AGBL1: variants seen among roughly 807,000 people sequenced by gnomAD.
AGBL1 encodes the protein cytosolic carboxypeptidase 4.
Under a neutral mutation model 118.9 loss-of-function variants are expected in AGBL1, and 130 were observed. The observed-to-expected ratio is 1.09, with a 90% CI of 0.95 to 1.26. AGBL1 has a LOEUF of 1.26. AGBL1 is among the 50% of genes most tolerant of loss of function. The probability of loss-of-function intolerance (pLI) is 0.00; values close to 1 mark genes in which losing one functional copy is unlikely to be tolerated. For missense variants in AGBL1, 1,584 were observed against 1,298.1 expected (o/e 1.22, Z -3.38); for synonymous variants, 555 against 478.9 (o/e 1.16, Z -2.08).
In AGBL1 at chr15:86,126,974, A is replaced by G. The variant is rs551281518; in HGVS notation, c.52-15030A>G. ...GTGCTTGTGTGGACCAGCTGGTCCA[A>G]TGAGCTCATGATATGGCTTAAATAC... is the stretch of plus-strand genomic sequence containing the variant. On this transcript the variant is annotated intron_variant, in intron 1 of 22. Coordinates refer to ENST00000614907, the MANE Select transcript of AGBL1 (RefSeq NM_001386094.1). Among the ~76,000 whole-genome samples, 268 of 152,290 alleles carry G rather than the reference A, an allele frequency of 1.8e-3. 1 individual carries two copies. Among genetic ancestry groups the G allele is most frequent in the African/African-American group, 6.2e-3 (257 of 41,568 alleles).
chr15:86,525,524 A>G (rs1022550451), intron 19 of AGBL1, among the ~76,000 whole-genome samples: 1 of 152,224 alleles, frequency 6.6e-6, no homozygotes, highest in African/African-American at 2.4e-5. Context: ...TGGCACTGGT[A>G]TAAAAGTAGG....
At chr15:86,393,223 A>G (rs1567233479) in intron 17 of AGBL1, among the ~76,000 whole-genome samples, 1 of 152,186 alleles carries the variant, frequency 6.6e-6, no homozygotes, top group African/African-American at 2.4e-5. Flanking sequence ...TTGACTCTCC[A>G]ATGGAAAGAG....
chr15:86,808,050 A>G (rs2078741957), intron 22 of AGBL1, among the ~76,000 whole-genome samples: 1 of 152,154 alleles, frequency 6.6e-6, no homozygotes, highest in Non-Finnish European at 1.5e-5. Flanking sequence ...TTAGAGGAGG[A>G]TTAAATTAAA....
At chr15:86,961,676 T>C (rs574053885) in intron 23 of AGBL1, among the ~76,000 whole-genome samples, 1 of 152,250 alleles carries the variant, frequency 6.6e-6, no homozygotes, top group East Asian at 1.9e-4. Flanking sequence ...CTCGATCCTC[T>C]GTATCTCCCA....
intron 18 of AGBL1, among the ~76,000 whole-genome samples, chr15:86,476,975 A>G (rs1416170395): frequency 6.6e-6 from 1 of 152,250 alleles, no homozygotes. Context: ...CTGCTCCTGA[A>G]TGACTACTGG....
chr15:86,991,440 ATATTTATT>A (rs543981363), intron 24 of AGBL1, among the ~76,000 whole-genome samples: 321 of 151,572 alleles, frequency 2.1e-3, no homozygotes, highest in Non-Finnish European at 2.9e-3. Flanking sequence ...TTTCAGATTT[ATATTTATT>A]TATTTATTTA....
chr15:86,667,384 G>A (rs1051137053), intron 21 of AGBL1, among the ~76,000 whole-genome samples: 2 of 151,888 alleles, frequency 1.3e-5, no homozygotes, highest in East Asian at 1.9e-4. Flanking sequence ...ACTTTTTCTT[G>A]TTTATGATGT....
At chr15:86,673,750 T>C (rs1342930843) in intron 21 of AGBL1, among the ~76,000 whole-genome samples, 1 of 152,178 alleles carries the variant, frequency 6.6e-6, no homozygotes, top group East Asian at 1.9e-4. Context: ...CATGCATATA[T>C]GAGTACAGCT....
intron 6 of AGBL1, among the ~76,000 whole-genome samples, chr15:86,226,929 G>A (rs1048043274): frequency 6.6e-6 from 1 of 152,204 alleles, no homozygotes; most frequent in Non-Finnish European, 1.5e-5. Context: ...GCTTTTGAGG[G>A]AGAGAGTCAT....
intron 22 of AGBL1, among the ~76,000 whole-genome samples, chr15:86,816,545 G>A (rs1278577009): frequency 1.3e-5 from 2 of 152,200 alleles, no homozygotes; most frequent in Non-Finnish European, 2.9e-5. Context: ...GTTAAGAGAA[G>A]GTGACAGGTA....
chr15:86,813,153 A>G (rs1242300045), intron 22 of AGBL1, among the ~76,000 whole-genome samples: 1 of 151,910 alleles, frequency 6.6e-6, no homozygotes, highest in African/African-American at 2.4e-5. Flanking sequence ...CCTCGAACAC[A>G]TGGGACCTTC....
chr15:86,511,924 A>T (rs542662469), intron 18 of AGBL1, among the ~76,000 whole-genome samples: 6 of 152,160 alleles, frequency 3.9e-5, no homozygotes, highest in African/African-American at 1.4e-4. Flanking sequence ...AGATATAAAT[A>T]AATGTAGAGA....
chr15:86,917,445 G>A (rs2080437669), downstream of AGBL1, among the ~76,000 whole-genome samples: 1 of 152,210 alleles, frequency 6.6e-6, no homozygotes, highest in African/African-American at 2.4e-5. This position sits in a 1 kb window ranked among gnomAD's most constrained non-coding sequence, Gnocchi z 4.8. Flanking sequence ...ATGTGTGCAA[G>A]AGGGTTAGGG....
chr15:86,911,426 C>G lies in AGBL1; in HGVS notation c.*4132C>G, dbSNP rs1029756991. Reference sequence around the variant, plus strand: ...ACCCCTTCGTAACACTTCCCTCTGGCAAGAGGCTTTGTGGCTTCACATTTC... The same window carrying G: ...ACCCCTTCGTAACACTTCCCTCTGGGAAGAGGCTTTGTGGCTTCACATTTC... On this transcript the variant is annotated 3_prime_UTR_variant, in exon 23 of 23. Transcript: ENST00000614907. The G allele has an allele frequency of 2.0e-5, 3 of 152,116 alleles. No homozygotes were observed. The highest frequency in any genetic ancestry group is 7.3e-5 in the African/African-American group (3 of 41,350). The allele number at this position is 152,116 out of a possible 1,614,324, so 9.4% of individuals were successfully genotyped here.
At chr15:86,597,472 C>G (rs2084428232) in intron 21 of AGBL1, among the ~76,000 whole-genome samples, 1 of 152,108 alleles carries the variant, frequency 6.6e-6, no homozygotes, top group Non-Finnish European at 1.5e-5. Context: ...TTTTCCTGCC[C>G]TTTCCCTTCA....
At chr15:86,847,144 G>T (rs1462024673) in intron 22 of AGBL1, among the ~76,000 whole-genome samples, 11 of 151,982 alleles carry the variant, frequency 7.2e-5, no homozygotes, top group Non-Finnish European at 1.0e-4. Context: ...TTGCTTCATT[G>T]AAATTAATCA....
At chr15:86,367,567 T>C (rs2080908374) in intron 17 of AGBL1, among the ~76,000 whole-genome samples, 1 of 151,554 alleles carries the variant, frequency 6.6e-6, no homozygotes, top group Non-Finnish European at 1.5e-5. Context: ...CCACATGGGC[T>C]GAAAGTAGGG....
intron 18 of AGBL1, among the ~76,000 whole-genome samples, chr15:86,437,693 G>A (rs1303053622): frequency 1.3e-5 from 2 of 152,096 alleles, no homozygotes; most frequent in African/African-American, 4.8e-5. Flanking sequence ...CAGGATGGAG[G>A]TTAGGCTTTA....
Position 86,554,359 on chromosome 15 carries a change from A to G in AGBL1, c.2818-2A>G. ...ATCGTTTGATTTTTGTTTTTACTGT[A>G]GACTCTTCCCAAAATCCTTGATAAG... On this transcript the variant is annotated splice_acceptor_variant, in intron 20 of 22. Coordinates refer to ENST00000614907, the MANE Select transcript of AGBL1 (RefSeq NM_001386094.1). LOFTEE classifies it high-confidence loss of function. 1 of 1,570,564 alleles carries G rather than the reference A, an allele frequency of 6.4e-7. No individual in the cohort carries two copies. Among genetic ancestry groups the G allele is most frequent in the Non-Finnish European group, 8.6e-7 (1 of 1,157,582 alleles).
Sources: allele counts gnomAD v4.1 joint callset (sites outside exome capture counted in the v4.1 genomes callset), GRCh38; gene constraint gnomAD v4.1.1; non-coding constraint Gnocchi (gnomAD v3.1); transcripts MANE v1.5; gene names NCBI Gene and HGNC (gene_info 2026-07-23, HGNC 2026-07-21).